The following ZDHHC14 variants were observed in gnomAD, a reference collection of about 807,000 sequenced individuals.
ZDHHC14 encodes zDHHC palmitoyltransferase 14.
Under a neutral mutation model 47.7 loss-of-function variants are expected in ZDHHC14, and 16 were observed. That is an observed-to-expected ratio of 0.34 (90% CI 0.23 to 0.51). The LOEUF is 0.51. ZDHHC14 is among the 20% of genes least tolerant of loss of function. The pLI is 0.97. For synonymous variants in ZDHHC14, 293 were observed against 278.9 expected (o/e 1.05, Z -0.50); for missense variants, 515 against 662.5 (o/e 0.78, Z 2.44).
At chr6:157,497,956 C>T (rs1780107106) in intron 1 of ZDHHC14, among the ~76,000 whole-genome samples, 1 of 152,204 alleles carries the variant, frequency 6.6e-6, no homozygotes, top group African/African-American at 2.4e-5. Context: ...AATATCTCAG[C>T]ATTGTTTGAT....
chr6:157,669,639 A>G (rs529648661), intron 8 of ZDHHC14, among the ~76,000 whole-genome samples: 2 of 152,374 alleles, frequency 1.3e-5, no homozygotes, highest in Admixed American at 1.3e-4. Context: ...CTTCAGGTCA[A>G]CAGAGACAAG....
intron 1 of ZDHHC14, among the ~76,000 whole-genome samples, chr6:157,465,834 G>A (rs1232780338): frequency 2.0e-5 from 3 of 152,104 alleles, no homozygotes. Context: ...CTGAGTCCAG[G>A]AGTTCAGGAT....
At position 157,579,802 on chromosome 6, in the gene ZDHHC14, T is replaced by C. The variant is rs113745312; in HGVS notation, c.407-13186T>C. On this transcript the variant is annotated intron_variant, in intron 2 of 8. Transcript: ENST00000359775. ...GAGCTTTTGGGCAGAGACTCTGGGGTTTTCCAGATATAGAATTATGTCATC... is the reference window on the plus strand; with the variant it reads ...GAGCTTTTGGGCAGAGACTCTGGGGCTTTCCAGATATAGAATTATGTCATC... Among the ~76,000 whole-genome samples, 392 of 152,290 alleles carry C rather than the reference T, an allele frequency of 2.6e-3. 3 individuals carry two copies. Among genetic ancestry groups the C allele is most frequent in the African/African-American group, 9.1e-3 (379 of 41,562 alleles).
chr6:157,504,364 G>A (rs1458303881), intron 1 of ZDHHC14, among the ~76,000 whole-genome samples: 1 of 151,056 alleles, frequency 6.6e-6, no homozygotes, highest in Non-Finnish European at 1.5e-5. Context: ...GTTTTACCGT[G>A]GTCTCGATCT....
At chr6:157,387,530 T>C (rs1050642398) in intron 1 of ZDHHC14, among the ~76,000 whole-genome samples, 1 of 152,324 alleles carries the variant, frequency 6.6e-6, no homozygotes, top group East Asian at 1.9e-4. Flanking sequence ...TAGAACACCA[T>C]GGGGTTGATA....
At chr6:157,583,285 A>C (rs1783578347) in intron 2 of ZDHHC14, among the ~76,000 whole-genome samples, 1 of 152,122 alleles carries the variant, frequency 6.6e-6, no homozygotes, top group African/African-American at 2.4e-5. Flanking sequence ...TGGAAAGAAG[A>C]CACTCTGGCT....
At chr6:157,431,528 G>A (rs1288213737) in intron 1 of ZDHHC14, among the ~76,000 whole-genome samples, 1 of 152,100 alleles carries the variant, frequency 6.6e-6, no homozygotes. Context: ...GAGGATGGAG[G>A]ACCTTAGTGT....
chr6:157,664,910 C>T (rs747947928), intron 8 of ZDHHC14, among the ~76,000 whole-genome samples: 36 of 152,216 alleles, frequency 2.4e-4, no homozygotes, highest in East Asian at 1.5e-3. Context: ...CGGACCAGAA[C>T]GGCATCCTCT....
At chr6:157,450,868 G>A (rs1778787065) in intron 1 of ZDHHC14, among the ~76,000 whole-genome samples, 1 of 152,134 alleles carries the variant, frequency 6.6e-6, no homozygotes, top group African/African-American at 2.4e-5. Flanking sequence ...TCCGTAGTTG[G>A]CCTTTTAATA....
intron 1 of ZDHHC14, among the ~76,000 whole-genome samples, chr6:157,485,280 C>T (rs1358078109): frequency 1.3e-5 from 2 of 152,108 alleles, no homozygotes; most frequent in South Asian, 2.1e-4. Flanking sequence ...GACTGAGCTT[C>T]GTGCACATGG....
chr6:157,400,759 G>T (rs1777620034), intron 1 of ZDHHC14, among the ~76,000 whole-genome samples: 1 of 152,132 alleles, frequency 6.6e-6, no homozygotes, highest in Non-Finnish European at 1.5e-5. Flanking sequence ...AATGCAAATA[G>T]CAGACGCCTT....
At chr6:157,599,896 GAA>G (rs1461782364) in intron 3 of ZDHHC14, among the ~76,000 whole-genome samples, 2 of 152,174 alleles carry the variant, frequency 1.3e-5, no homozygotes, top group Non-Finnish European at 2.9e-5. Context: ...TAATTATTGA[GAA>G]ATATATTATT....
chr6:157,502,550 C>G lies in ZDHHC14; in HGVS notation c.246-40035C>G, dbSNP rs1021108776. 6.6e-6 allele frequency among the ~76,000 whole-genome samples: 1 copy of G among 152,232 alleles called. No individual in the cohort carries two copies. The highest frequency in any genetic ancestry group is 2.4e-5 in the African/African-American group (1 of 41,458). Reference sequence around the variant, plus strand: ...CCTGATCCCCATCTCACACCACTCACCTCCTCCTGCCTGGAGATGATGAGG... The same window carrying G: ...CCTGATCCCCATCTCACACCACTCAGCTCCTCCTGCCTGGAGATGATGAGG... On this transcript the variant is annotated intron_variant, in intron 1 of 8. Coordinates refer to ENST00000359775, the MANE Select transcript of ZDHHC14 (RefSeq NM_024630.3). The surrounding 1 kb of genome is among the most constrained non-coding windows in gnomAD (Gnocchi z 4.0).
intron 1 of ZDHHC14, among the ~76,000 whole-genome samples, chr6:157,444,542 G>A (rs1778622103): frequency 6.6e-6 from 1 of 152,148 alleles, no homozygotes; most frequent in Non-Finnish European, 1.5e-5. Context: ...GCCGGGCATG[G>A]TGGTGCACAC....
intron 1 of ZDHHC14, among the ~76,000 whole-genome samples, chr6:157,412,751 C>T (rs1211348959): frequency 2.0e-5 from 3 of 152,194 alleles, no homozygotes; most frequent in African/African-American, 7.2e-5. Context: ...TAGCAGGAGA[C>T]CACGTAGGTG....
At chr6:157,449,188 G>T (rs922639936) in intron 1 of ZDHHC14, among the ~76,000 whole-genome samples, 1 of 152,158 alleles carries the variant, frequency 6.6e-6, no homozygotes, top group African/African-American at 2.4e-5. Context: ...AGTTAAGTTG[G>T]TAAAGAAATG....
In ZDHHC14 at chr6:157,529,411, GT is replaced by G. The variant is rs529773172; in HGVS notation, c.246-13173del. On this transcript the variant is annotated intron_variant, in intron 1 of 8. Coordinates refer to ENST00000359775, the MANE Select transcript of ZDHHC14 (RefSeq NM_024630.3). Reference sequence around the variant, plus strand: ...CATGTATTTTGCAATAACAGGAGCAGTCATCACCATTTAGTGTCAAGCTTGA... The same window carrying G: ...CATGTATTTTGCAATAACAGGAGCAGCATCACCATTTAGTGTCAAGCTTGA... Among the ~76,000 whole-genome samples the G allele has an allele frequency of 3.7e-4, 57 of 152,334 alleles. 1 individual carries two copies. The South Asian group carries it at 9.7e-3, about 26-fold the overall frequency.
chr6:157,489,987 G>T (rs1038237002), intron 1 of ZDHHC14, among the ~76,000 whole-genome samples: 10 of 152,188 alleles, frequency 6.6e-5, no homozygotes, highest in Non-Finnish European at 1.2e-4. Context: ...GACAGTCATG[G>T]GGAAATGAGG....
intron 1 of ZDHHC14, among the ~76,000 whole-genome samples, chr6:157,541,801 T>G (rs1003501136): frequency 3.3e-5 from 5 of 151,836 alleles, no homozygotes; most frequent in African/African-American, 1.2e-4. Flanking sequence ...TCGTGTAGAG[T>G]TTAGTCTGTC....
Sources: gnomAD v4.1 joint callset for allele counts (sites outside exome capture counted in the v4.1 genomes callset) on GRCh38, gnomAD v4.1.1 for gene constraint, Gnocchi (gnomAD v3.1) non-coding constraint, MANE v1.5 for transcripts, NCBI Gene and HGNC (gene_info 2026-07-23, HGNC 2026-07-21) for gene names.